ANXA11: variants seen among roughly 807,000 people sequenced by gnomAD.
The protein encoded by ANXA11 is annexin A11.
A neutral mutation model predicts 64.7 loss-of-function variants in ANXA11; 57 were observed. The ratio of observed to expected loss-of-function variants is 0.88; its 90% CI spans 0.71 to 1.10. ANXA11 has a LOEUF of 1.10. ANXA11 is among the 50% of genes least tolerant of loss of function. ANXA11 has a pLI of 0.00. For synonymous variants in ANXA11, 260 were observed against 265.2 expected, an observed-to-expected ratio of 0.98 and a Z score of 0.19; for missense variants, 675 against 670.7, an observed-to-expected ratio of 1.01 and a Z score of -0.07.
chr10:80,166,269 C>T, intron 7 of ANXA11, 72 bp from the exon 8 acceptor site: 1 of 875,348 alleles, frequency 1.1e-6, no homozygotes, highest in South Asian at 1.5e-5. Flanking sequence ...CAGGAAGTGA[C>T]TAATAAGAGC....
rs1193344718 is a variant in ANXA11, at chr10:80,172,789, C to G, written c.55+18G>C. The G allele has an allele frequency of 3.7e-6, 6 of 1,613,272 alleles. No homozygotes were observed. The African/African-American group carries it at 4.0e-5, about 11-fold the overall frequency. ...CAGAGGCAGCATTCACTCTCCTCCC[C>G]ACCCCAGACCCTCTTACCTGGTGCA... is the stretch of plus-strand genomic sequence containing the variant. On this transcript the variant is annotated intron_variant, in intron 3 of 15. Coordinates refer to ENST00000422982, the MANE Select transcript of ANXA11 (RefSeq NM_145868.2).
At chr10:80,155,978 T>C in intron 15 of ANXA11, 66 bp from the exon 16 acceptor site, 1 of 1,521,850 alleles carries the variant, frequency 6.6e-7, no homozygotes, top group Admixed American at 1.7e-5. Context: ...TTCTGGGTCC[T>C]GATATTCAGC....
At chr10:80,166,402 G>A (rs1845742622) in intron 7 of ANXA11, 5 of 545,778 alleles carry the variant, frequency 9.2e-6, no homozygotes, top group Middle Eastern at 4.9e-4. Context: ...ATGCCCAGGG[G>A]ATCGGTGACA....
intron 1 of ANXA11, among the ~76,000 whole-genome samples, chr10:80,200,406 G>C (rs1840369657): frequency 6.6e-6 from 1 of 152,160 alleles, no homozygotes. Flanking sequence ...CTAAAACACA[G>C]ACAATATGGA....
At chr10:80,168,269 G>C (rs1288776196) in intron 5 of ANXA11, among the ~76,000 whole-genome samples, 1 of 145,250 alleles carries the variant, frequency 6.9e-6, no homozygotes, top group East Asian at 2.0e-4. Context: ...GGCGGGGGTG[G>C]TGCATATCAA....
intron 3 of ANXA11, 83 bp downstream of exon 3, chr10:80,172,724 G>A (rs1185270759): frequency 1.4e-6 from 2 of 1,391,470 alleles, no homozygotes; most frequent in Admixed American, 3.4e-5. Flanking sequence ...AGGGGAGTGA[G>A]GAAACTACTG....
In ANXA11 at chr10:80,180,467, G is replaced by A. The variant is rs571637698; in HGVS notation, c.-57-4312C>T. ...ACAGAGCCTACACCAGGTTAATGCT[G>A]AGAGGCAAGGGCCTAGAAACATCAT... On this transcript the variant is annotated intron_variant, in intron 1 of 15. Coordinates refer to ENST00000422982, the MANE Select transcript of ANXA11 (RefSeq NM_145868.2). 3.9e-5 allele frequency among the ~76,000 whole-genome samples: 6 copies of A among 152,188 alleles called. No individual in the cohort carries two copies. The East Asian group carries it at 9.7e-4, about 25-fold the overall frequency.
chr10:80,161,714 A>ACAC (rs2132377456), intron 12 of ANXA11, among the ~76,000 whole-genome samples: 1 of 152,344 alleles, frequency 6.6e-6, no homozygotes, highest in African/African-American at 2.4e-5. Flanking sequence ...ACGTACAAAG[A>ACAC]CACCAGGTTT....
chr10:80,165,568 T>C (rs1392568880), intron 8 of ANXA11, among the ~76,000 whole-genome samples: 1 of 152,106 alleles, frequency 6.6e-6, no homozygotes, highest in Non-Finnish European at 1.5e-5. Flanking sequence ...GCAGCCATGG[T>C]AGGAGAAGCA....
At chr10:80,190,411 A>G (rs1481343987) in intron 1 of ANXA11, among the ~76,000 whole-genome samples, 2 of 152,058 alleles carry the variant, frequency 1.3e-5, no homozygotes, top group African/African-American at 4.8e-5. Context: ...TTTATTTCAC[A>G]TTGTATTCAT....
At chr10:80,172,049 A>G (rs1358029000) in intron 3 of ANXA11, among the ~76,000 whole-genome samples, 1 of 152,192 alleles carries the variant, frequency 6.6e-6, no homozygotes, top group Non-Finnish European at 1.5e-5. Flanking sequence ...CTCAGCTCCA[A>G]AGAAATCAAT....
chr10:80,167,017 A>C, intron 6 of ANXA11, 33 bp from the exon 7 acceptor site: 3 of 1,181,744 alleles, frequency 2.5e-6, no homozygotes, highest in Non-Finnish European at 3.7e-6. Context: ...TGGGTCGGGT[A>C]GGGGTCATGA....
chr10:80,159,235 T>C, intron 12 of ANXA11, 40 bp from the exon 13 acceptor site: 1 of 1,543,928 alleles, frequency 6.5e-7, no homozygotes, highest in Non-Finnish European at 9.0e-7. Context: ...AACTGAAATG[T>C]GTCTCCCCAA....
Position 80,152,113 on chromosome 10 carries a change from C to T in ANXA11, c.*3740G>A, listed in dbSNP as rs1333117502. ...AATAGTGTTTCCTCCAGCGCCCCCACAGCTGCTGAAAATTCTCTCAGGGCT... is the reference window on the plus strand; with the variant it reads ...AATAGTGTTTCCTCCAGCGCCCCCATAGCTGCTGAAAATTCTCTCAGGGCT... On this transcript the variant is annotated 3_prime_UTR_variant, in exon 16 of 16. Coordinates refer to ENST00000422982, the MANE Select transcript of ANXA11 (RefSeq NM_145868.2). The T allele has an allele frequency of 1.3e-5, 2 of 152,204 alleles. No homozygotes were observed. The highest frequency in any genetic ancestry group is 6.5e-5 in the Admixed American group (1 of 15,284). The allele number at this position is 152,204 out of a possible 1,614,324, so 9.4% of individuals were successfully genotyped here. A position where few individuals can be genotyped will look rare whatever the true frequency, so the allele number is the denominator to read the frequency against.
intron 12 of ANXA11, among the ~76,000 whole-genome samples, chr10:80,161,390 CT>C (rs1299272099): frequency 6.6e-6 from 1 of 152,232 alleles, no homozygotes; most frequent in Non-Finnish European, 1.5e-5. Flanking sequence ...CTGTTTCCAG[CT>C]TGATTTTCCT....
chr10:80,164,163 A>G lies in ANXA11; in HGVS notation c.859-20T>C. 6.2e-7 allele frequency: 1 copy of G among 1,603,974 alleles called. No individual in the cohort carries two copies. The highest frequency in any genetic ancestry group is 1.1e-5 in the South Asian group (1 of 90,834). On this transcript the variant is annotated intron_variant, in intron 8 of 15. Coordinates refer to ENST00000422982, the MANE Select transcript of ANXA11 (RefSeq NM_145868.2). ...AACCCCCTGCAGGGGCAGAGAATACAACCAACCATGTGCTTGTTCCAGCAG... is the reference window on the plus strand; with the variant it reads ...AACCCCCTGCAGGGGCAGAGAATACGACCAACCATGTGCTTGTTCCAGCAG...
intron 1 of ANXA11, among the ~76,000 whole-genome samples, chr10:80,195,104 G>A (rs547355515): frequency 4.6e-5 from 7 of 152,252 alleles, no homozygotes; most frequent in Admixed American, 1.3e-4. Context: ...AGCCTCTCCC[G>A]GAAAGGCCCT....
chr10:80,175,488 C>T (rs1434813756), intron 2 of ANXA11, among the ~76,000 whole-genome samples: 1 of 151,992 alleles, frequency 6.6e-6, no homozygotes, highest in African/African-American at 2.4e-5. Context: ...CACCCTGTTC[C>T]TTATACCAAG....
intron 15 of ANXA11, among the ~76,000 whole-genome samples, chr10:80,156,167 A>T (rs1025449735): frequency 1.3e-5 from 2 of 152,228 alleles, no homozygotes; most frequent in African/African-American, 4.8e-5. Context: ...ACAAAAAAAA[A>T]TTATAATCAT....
Sources: allele counts gnomAD v4.1 joint callset (sites outside exome capture counted in the v4.1 genomes callset), GRCh38; gene constraint gnomAD v4.1.1; transcripts MANE v1.5; gene names NCBI Gene and HGNC (gene_info 2026-07-23, HGNC 2026-07-21).